Variants in WDR7 observed in about 807,000 individuals in gnomAD.
The protein encoded by WDR7 is WD repeat-containing protein 7.
WDR7 carries 46 observed loss-of-function variants against 169.4 expected under a neutral mutation model. That is an observed-to-expected ratio of 0.27 (90% confidence interval 0.21 to 0.35). WDR7 has a LOEUF of 0.35. WDR7 is among the 10% of genes least tolerant of loss of function. The pLI, the probability that WDR7 is intolerant of heterozygous loss-of-function variation, is 1.00. For synonymous variants in WDR7, 612 were observed against 666.8 expected, an observed-to-expected ratio of 0.92 and a Z score of 1.27; for missense variants, 1,534 against 1,859.3, an observed-to-expected ratio of 0.83 and a Z score of 3.22.
intron 12 of WDR7, among the ~76,000 whole-genome samples, chr18:56,698,404 A>G (rs528554914): frequency 2.0e-4 from 30 of 152,158 alleles, no homozygotes; most frequent in African/African-American, 7.2e-4. Context: ...CAGGAGATCA[A>G]GACCATCCTG....
rs565627648 is a variant in WDR7 at position 56,732,191 on chromosome 18, A to C, written c.1989+594A>C. 2.0e-5 allele frequency among the ~76,000 whole-genome samples: 3 copies of C among 152,292 alleles called. No individual in the cohort carries two copies. In the South Asian group the frequency reaches 6.2e-4, roughly 32 times the overall value. Reference sequence around the variant, plus strand: ...GAAGATGATCCTATTAAAAAAACCAATCCCAATTCATGAATTGGTTACTTA... The same window carrying C: ...GAAGATGATCCTATTAAAAAAACCACTCCCAATTCATGAATTGGTTACTTA... On this transcript the variant is annotated intron_variant, in intron 14 of 27. Transcript: ENST00000254442.
chr18:56,863,679 C>T (rs1277074974), intron 20 of WDR7, among the ~76,000 whole-genome samples: 1 of 151,662 alleles, frequency 6.6e-6, no homozygotes, highest in African/African-American at 2.4e-5. Context: ...TTATTCTTAA[C>T]TTTGGATATT....
chr18:56,810,713 T>A (rs1330092213), intron 19 of WDR7, among the ~76,000 whole-genome samples: 1 of 152,192 alleles, frequency 6.6e-6, no homozygotes, highest in East Asian at 1.9e-4. Context: ...GAGAGTACAC[T>A]GAGGTGGCAT....
At chr18:56,735,582 T>C (rs569560914) in intron 14 of WDR7, among the ~76,000 whole-genome samples, 8 of 152,296 alleles carry the variant, frequency 5.3e-5, no homozygotes, top group South Asian at 2.1e-4. Flanking sequence ...TTTTCAGATA[T>C]GCTCTTTTCC....
At chr18:56,938,808 AGTGTGTGT>A (rs71171007) in intron 24 of WDR7, 126 bp downstream of exon 24, 134 of 661,698 alleles carry the variant, frequency 2.0e-4, no homozygotes, top group African/African-American at 1.1e-3. Context: ...AGAAAGAATG[AGTGTGTGT>A]GTGTGTGTGT....
At chr18:56,905,168 T>C (rs889219767) in intron 21 of WDR7, among the ~76,000 whole-genome samples, 2 of 152,212 alleles carry the variant, frequency 1.3e-5, no homozygotes, top group African/African-American at 4.8e-5. Context: ...TATTCTGTTT[T>C]GAGATAGTCT....
intron 26 of WDR7, among the ~76,000 whole-genome samples, chr18:57,011,160 G>A (rs542017843): frequency 6.6e-6 from 1 of 152,324 alleles, no homozygotes; most frequent in South Asian, 2.1e-4. Flanking sequence ...TAAGGGTGTT[G>A]TATGTGTATA....
At chr18:56,705,212 A>C (rs778666302) in intron 12 of WDR7, among the ~76,000 whole-genome samples, 1 of 152,052 alleles carries the variant, frequency 6.6e-6, no homozygotes, top group Non-Finnish European at 1.5e-5. Context: ...GGTGCAACAT[A>C]TTTTTGATTA....
intron 20 of WDR7, among the ~76,000 whole-genome samples, chr18:56,818,682 ATTTCT>A: frequency 6.6e-6 from 1 of 152,314 alleles, no homozygotes; most frequent in Non-Finnish European, 1.5e-5. Flanking sequence ...AGAAAACCAT[ATTTCT>A]TTTCATTGAC....
chr18:56,835,645 G>A (rs567856335), intron 20 of WDR7, among the ~76,000 whole-genome samples: 24 of 152,212 alleles, frequency 1.6e-4, no homozygotes, highest in African/African-American at 4.8e-4. Flanking sequence ...CATTTTGCTC[G>A]CTTTGCATCT....
At chr18:56,808,914 C>T (rs970001199) in intron 19 of WDR7, among the ~76,000 whole-genome samples, 4 of 152,134 alleles carry the variant, frequency 2.6e-5, no homozygotes, top group South Asian at 4.2e-4. Context: ...ATAGATTTTT[C>T]GTAATGAAGA....
intron 20 of WDR7, among the ~76,000 whole-genome samples, chr18:56,830,657 C>T (rs1171967747): frequency 6.6e-6 from 1 of 152,210 alleles, no homozygotes; most frequent in Non-Finnish European, 1.5e-5. Flanking sequence ...TGTGGAAGTT[C>T]TGGCAGATGC....
At chr18:56,923,342 G>A (rs185894546) in intron 21 of WDR7, among the ~76,000 whole-genome samples, 7 of 152,276 alleles carry the variant, frequency 4.6e-5, no homozygotes, top group East Asian at 3.9e-4. Context: ...CTATTAACAC[G>A]TTTAACAAAA....
intron 21 of WDR7, among the ~76,000 whole-genome samples, chr18:56,915,486 T>A (rs2046611993): frequency 6.6e-6 from 1 of 152,202 alleles, no homozygotes; most frequent in African/African-American, 2.4e-5. Flanking sequence ...AGCTACTAAT[T>A]AAAGTATTTT....
chr18:56,968,598 G>A (rs1386421589), intron 26 of WDR7, among the ~76,000 whole-genome samples: 1 of 152,186 alleles, frequency 6.6e-6, no homozygotes, highest in East Asian at 1.9e-4. Flanking sequence ...AGCAAAGATT[G>A]ATGGTATCTA....
intron 23 of WDR7, among the ~76,000 whole-genome samples, chr18:56,937,721 G>A (rs913463903): frequency 3.9e-5 from 6 of 152,116 alleles, no homozygotes; most frequent in Non-Finnish European, 7.4e-5. Flanking sequence ...AGTGAGTGTG[G>A]TTAAAGTCTT....
At chr18:56,806,468 G>T (rs192922922) in intron 19 of WDR7, among the ~76,000 whole-genome samples, 3 of 152,190 alleles carry the variant, frequency 2.0e-5, no homozygotes, top group Admixed American at 1.3e-4. Flanking sequence ...GTGTGTGCAT[G>T]CATGCATACA....
At chr18:56,909,600 A>G (rs1030019357) in intron 21 of WDR7, among the ~76,000 whole-genome samples, 12 of 152,012 alleles carry the variant, frequency 7.9e-5, no homozygotes, top group South Asian at 2.1e-4. Flanking sequence ...ACATTTTTAT[A>G]TGTTTTATAT....
At chr18:56,878,461 C>A (rs2046059520) in intron 20 of WDR7, among the ~76,000 whole-genome samples, 1 of 151,974 alleles carries the variant, frequency 6.6e-6, no homozygotes, top group Admixed American at 6.6e-5. Flanking sequence ...TATTTTCATG[C>A]TTGTTATTTT....
Sources: gnomAD v4.1 joint callset for allele counts (sites outside exome capture counted in the v4.1 genomes callset) on GRCh38, gnomAD v4.1.1 for gene constraint, MANE v1.5 for transcripts, NCBI Gene and HGNC (gene_info 2026-07-23, HGNC 2026-07-21) for gene names.